The following RHBDD1 variants were observed in gnomAD, a reference collection of about 807,000 sequenced individuals.
RHBDD1 encodes rhomboid domain containing 1.
A neutral mutation model predicts 36.3 loss-of-function variants in RHBDD1; 38 were observed. That is an observed-to-expected ratio of 1.05 (90% CI 0.81 to 1.37). The LOEUF is 1.37. Among genes scored for constraint, RHBDD1 ranks in the 40% most tolerant of loss-of-function variants. The pLI is 0.00. For synonymous variants in RHBDD1, 151 were observed against 136.5 expected (o/e 1.11, Z -0.74); for missense variants, 393 against 377.6 (o/e 1.04, Z -0.34).
chr2:226,986,237 T>G (rs949027630), intron 8 of RHBDD1, among the ~76,000 whole-genome samples: 1 of 152,168 alleles, frequency 6.6e-6, no homozygotes, highest in Admixed American at 6.5e-5. Flanking sequence ...TAAGGAGACT[T>G]GGTAACAAAA....
chr2:226,864,633 C>G lies in RHBDD1; in HGVS notation c.-61C>G. ...AGCCGTCTGTATATCTCCCCAGATA[C>G]CTGAAACTGACCACCTGAGTACGTT... is the stretch of plus-strand genomic sequence containing the variant. On this transcript the variant is annotated 5_prime_UTR_variant, in exon 4 of 9. An upstream open reading frame in the 5' UTR gains an earlier in-frame stop. Coordinates refer to ENST00000392062, the MANE Select transcript of RHBDD1 (RefSeq NM_001167608.3). 1 of 1,387,174 alleles carries G rather than the reference C, an allele frequency of 7.2e-7. No individual in the cohort carries two copies. Among genetic ancestry groups the G allele is most frequent in the Non-Finnish European group, 1.0e-6 (1 of 991,942 alleles). The allele number at this position is 1,387,174 out of a possible 1,614,324, so 85.9% of individuals were successfully genotyped here.
chr2:226,877,669 A>G (rs893028216), intron 5 of RHBDD1, among the ~76,000 whole-genome samples: 9 of 151,742 alleles, frequency 5.9e-5, no homozygotes, highest in Admixed American at 5.3e-4. Flanking sequence ...GCTCAAACCC[A>G]TAAGTGCTTT....
the RHBDD1 span, among the ~76,000 whole-genome samples, chr2:226,823,942 C>T: frequency 2.0e-5 from 3 of 152,136 alleles, no homozygotes; most frequent in African/African-American, 4.8e-5. Flanking sequence ...GGCAGACAGC[C>T]CCTCATGATT....
At chr2:226,932,919 G>C (rs1336677784) in intron 8 of RHBDD1, among the ~76,000 whole-genome samples, 1 of 152,086 alleles carries the variant, frequency 6.6e-6, no homozygotes, top group Non-Finnish European at 1.5e-5. Flanking sequence ...ACCTGAGACA[G>C]AGTAATTTAT....
intron 5 of RHBDD1, among the ~76,000 whole-genome samples, chr2:226,882,430 C>CAAAAAAAAAAAAAAAAAAAAAAAAAAAAA (rs58149634): frequency 3.5e-5 from 2 of 57,108 alleles, no homozygotes; most frequent in Non-Finnish European, 3.7e-5. Context: ...GACTTTGCCT[C>CAAAAAAAAAAAAAAAAAAAAAAAAAAAAA]AAAAAAAAAA....
At chr2:226,811,304 A>C in the RHBDD1 span, among the ~76,000 whole-genome samples, 11,935 of 151,598 alleles carry the variant, frequency 0.079, 515 homozygotes, top group East Asian at 0.13. Flanking sequence ...AATTGTTTTT[A>C]TTTTTCTGTT....
At chr2:226,975,857 G>A (rs1954470848) in intron 8 of RHBDD1, among the ~76,000 whole-genome samples, 1 of 152,120 alleles carries the variant, frequency 6.6e-6, no homozygotes, top group Non-Finnish European at 1.5e-5. Context: ...CCAATAGATA[G>A]CAGGCAAGAT....
At position 226,940,694 on chromosome 2, in the gene RHBDD1, A is replaced by G. The variant is rs184999365; in HGVS notation, c.856+26343A>G. On this transcript the variant is annotated intron_variant, in intron 8 of 8. Transcript: ENST00000392062. ...TACTGTTTTCAAATAGAACTGTAATATGCTAGCACTGAAAGCAAACTTAGA... is the reference window on the plus strand; with the variant it reads ...TACTGTTTTCAAATAGAACTGTAATGTGCTAGCACTGAAAGCAAACTTAGA... Among the ~76,000 whole-genome samples, 401 of 152,324 alleles carry G rather than the reference A, an allele frequency of 2.6e-3. 2 individuals carry two copies. The highest frequency in any genetic ancestry group is 9.2e-3 in the African/African-American group (383 of 41,566).
intron 7 of RHBDD1, 51 bp from the exon 8 acceptor site, chr2:226,914,157 T>C: frequency 1.3e-6 from 2 of 1,568,912 alleles, no homozygotes; most frequent in Non-Finnish European, 1.7e-6. Flanking sequence ...ACAGGAAGTA[T>C]AAAACAACAG....
chr2:226,819,063 G>A, the RHBDD1 span, among the ~76,000 whole-genome samples: 1 of 152,002 alleles, frequency 6.6e-6, no homozygotes, highest in East Asian at 1.9e-4. Context: ...CTTCCACCCG[G>A]CCCACTTGAC....
At chr2:226,854,756 T>A (rs1301479845) in intron 3 of RHBDD1, among the ~76,000 whole-genome samples, 2 of 152,124 alleles carry the variant, frequency 1.3e-5, no homozygotes, top group African/African-American at 4.8e-5. Context: ...ATTTTTTCCA[T>A]AAAGAGTATC....
rs1040307228 is a variant in RHBDD1, at chr2:226,948,933, T to C, written c.856+34582T>C. Among the ~76,000 whole-genome samples, 4 of 152,194 alleles carry C rather than the reference T, an allele frequency of 2.6e-5. No individual in the cohort carries two copies. In the South Asian group the frequency reaches 6.2e-4, roughly 24 times the overall value. On this transcript the variant is annotated intron_variant, in intron 8 of 8. Transcript: ENST00000392062. The stretch of plus-strand genomic sequence containing the variant: ...AGCCTCTTAAGCTGATAAGCAACTT[T>C]AGCCAAGTCTCAGGATACAAAAATC...
the RHBDD1 span, among the ~76,000 whole-genome samples, chr2:226,820,871 G>A: frequency 6.6e-6 from 1 of 151,974 alleles, no homozygotes. Context: ...ATCAAAAAGG[G>A]GTTGCCAGAA....
chr2:226,907,085 A>C (rs1256041686), intron 6 of RHBDD1: 1 of 626,538 alleles, frequency 1.6e-6, no homozygotes, highest in East Asian at 2.8e-5. Flanking sequence ...TAAATTTCGA[A>C]TCTGATACTT....
In RHBDD1 at chr2:226,935,993, C is replaced by G. The variant is rs560927634; in HGVS notation, c.856+21642C>G. ...CTTGGCATAGCAGAAACATTATAGC[C>G]AGGACAGAGATGTACGACTAATTCT... is the stretch of plus-strand genomic sequence containing the variant. On this transcript the variant is annotated intron_variant, in intron 8 of 8. Coordinates refer to ENST00000392062, the MANE Select transcript of RHBDD1 (RefSeq NM_001167608.3). 4.6e-5 allele frequency among the ~76,000 whole-genome samples: 7 copies of G among 152,204 alleles called. No homozygotes were observed. The South Asian group carries it at 1.5e-3, about 32-fold the overall frequency.
intron 5 of RHBDD1, among the ~76,000 whole-genome samples, chr2:226,887,597 C>T (rs555454104): frequency 2.0e-5 from 3 of 152,322 alleles, no homozygotes; most frequent in East Asian, 1.9e-4. Context: ...GGTAAAAATA[C>T]TTTAGGACTT....
chr2:226,812,291 T>C, the RHBDD1 span, among the ~76,000 whole-genome samples: 1 of 152,198 alleles, frequency 6.6e-6, no homozygotes, highest in Admixed American at 6.5e-5. Flanking sequence ...TGTATGGCAA[T>C]GGGGTAGGAG....
intron 8 of RHBDD1, among the ~76,000 whole-genome samples, chr2:226,986,686 T>C (rs1242933172): frequency 6.6e-6 from 1 of 152,174 alleles, no homozygotes; most frequent in Non-Finnish European, 1.5e-5. Flanking sequence ...AAACAACAGA[T>C]GCTGGAGAGG....
chr2:226,882,035 T>C (rs996972187), intron 5 of RHBDD1, among the ~76,000 whole-genome samples: 5 of 152,234 alleles, frequency 3.3e-5, no homozygotes, highest in Non-Finnish European at 7.3e-5. Flanking sequence ...AGTAATAGCA[T>C]AGATGATGCT....
Sources: gnomAD v4.1 joint callset for allele counts (sites outside exome capture counted in the v4.1 genomes callset) on GRCh38, gnomAD v4.1.1 for gene constraint, MANE v1.5 for transcripts, NCBI Gene and HGNC (gene_info 2026-07-23, HGNC 2026-07-21) for gene names.